MGARP: variants seen among roughly 807,000 people sequenced by gnomAD.
MGARP encodes the protein mitochondria localized glutamic acid rich protein, also known as protein MGARP.
In MGARP, 12 loss-of-function variants were observed where a neutral mutation model predicts 11.0. That is an observed-to-expected ratio of 1.09 (90% CI 0.70 to 1.77). The LOEUF (loss-of-function observed/expected upper bound fraction) is 1.77, where lower values mean the gene tolerates loss of function less well. Ranked by LOEUF, MGARP falls within the 40% of genes most tolerant of loss-of-function variation. The probability of loss-of-function intolerance (pLI) is 0.00; values close to 1 mark genes in which losing one functional copy is unlikely to be tolerated. For missense variants in MGARP, 283 were observed against 297.8 expected, an observed-to-expected ratio of 0.95 and a Z score of 0.36; for synonymous variants, 110 against 115.4, an observed-to-expected ratio of 0.95 and a Z score of 0.30.
chr4:139,267,407 A>G (rs1437597051), intron 3 of MGARP, among the ~76,000 whole-genome samples: 1 of 152,168 alleles, frequency 6.6e-6, no homozygotes, highest in African/African-American at 2.4e-5. Flanking sequence ...TATATTACTT[A>G]GGCAAATATG....
intron 3 of MGARP, 88 bp downstream of exon 3, chr4:139,268,584 A>C: frequency 1.1e-6 from 1 of 890,108 alleles, no homozygotes; most frequent in Non-Finnish European, 1.7e-6. Context: ...AGAAGCCAAA[A>C]GCAAATAGTG....
chr4:139,268,705 C>A lies in MGARP; in HGVS notation c.247G>T (p.Glu83Ter). ...GGATGTATCTCTGCTTTTGTTTTTTCTTTCAAATTTGTTTTATGTTCTGTG... is the reference window on the plus strand; with the variant it reads ...GGATGTATCTCTGCTTTTGTTTTTTATTTCAAATTTGTTTTATGTTCTGTG... ...KHTEHKTNLK[E>*]KTKAEIHPFQ... is the part of the protein sequence containing the mutation. Residue 83 changes from glutamate to a stop codon, truncating the protein, a stop_gained, in exon 3 of 4, where the codon GAA becomes TAA. Transcript: ENST00000398955. LOFTEE classifies it low-confidence loss of function (END_TRUNC). 6.2e-7 allele frequency: 1 copy of A among 1,609,584 alleles called. No individual in the cohort carries two copies.
In MGARP at chr4:139,280,175, C is replaced by A. The variant is rs1744938898; in HGVS notation, c.-17G>T. 6.2e-7 allele frequency: 1 copy of A among 1,602,410 alleles called. No individual in the cohort carries two copies. The highest frequency in any genetic ancestry group is 2.3e-5 in the East Asian group (1 of 44,400). On this transcript the variant is annotated 5_prime_UTR_variant, in exon 1 of 4. Coordinates refer to ENST00000398955, the MANE Select transcript of MGARP (RefSeq NM_032623.4). ...GAGATACATCGCGCCCGCTGTCCGC[C>A]GCGCAGCAGCCTCGGTACCCAGGCG...
At chr4:139,269,222 C>A (rs1203934901) in intron 2 of MGARP, among the ~76,000 whole-genome samples, 1 of 149,398 alleles carries the variant, frequency 6.7e-6, no homozygotes, top group African/African-American at 2.5e-5. Context: ...ACCAGAATAT[C>A]CTGACAGGCA....
At chr4:139,269,494 G>A (rs1231295023) in intron 2 of MGARP, among the ~76,000 whole-genome samples, 1 of 152,038 alleles carries the variant, frequency 6.6e-6, no homozygotes, top group Non-Finnish European at 1.5e-5. Flanking sequence ...CAGGCATGGT[G>A]GTGGTGCTCG....
intron 1 of MGARP, among the ~76,000 whole-genome samples, chr4:139,279,460 C>T (rs1044671540): frequency 2.6e-4 from 39 of 152,196 alleles, no homozygotes; most frequent in Non-Finnish European, 1.5e-4. Context: ...GTCCCGAAGG[C>T]CGCTTCCTTT....
rs1364870851 is a variant in MGARP at position 139,266,624 on chromosome 4, G to C, written c.698C>G (p.Ser233Cys). The C allele has an allele frequency of 6.2e-7, 1 of 1,613,670 alleles. No individual in the cohort carries two copies. The highest frequency in any genetic ancestry group is 8.5e-7 in the Non-Finnish European group (1 of 1,179,904). Residue 233 changes from serine (S) to cysteine (C), a missense_variant, in exon 4 of 4, where the codon TCT becomes TGT. Coordinates refer to ENST00000398955, the MANE Select transcript of MGARP (RefSeq NM_032623.4). ...TTAGCCTTGAGCCGAAGCAGCCTCA[G>C]AGCCAACACTGGCTTCCTCCTGTAA... The part of the protein sequence containing the change: ...DDLQEEASVG[S>C]EAASAQG
Position 139,275,482 on chromosome 4 carries a change from T to C in MGARP, c.83-90A>G, listed in dbSNP as rs532970131. 5.4e-5 allele frequency: 52 copies of C among 962,176 alleles called. 1 individual carries two copies. In the African/African-American group the frequency reaches 7.7e-4, roughly 14 times the overall value. 59.6% of individuals were successfully genotyped at this position (962,176 alleles called of 1,614,324 possible). ...CATCTTTCAAAATTTTTCTACTCAG[T>C]GAACCTAGAATCTATTAACATCAAG... On this transcript the variant is annotated intron_variant, in intron 1 of 3. Transcript: ENST00000398955.
chr4:139,280,149 G>A lies in MGARP; in HGVS notation c.10C>T (p.Arg4Cys), dbSNP rs549748443. 51 of 1,609,610 alleles carry A rather than the reference G, an allele frequency of 3.2e-5. No individual in the cohort carries two copies. The South Asian group carries it at 4.8e-4, about 15-fold the overall frequency. ...GCCAGAGTCTTGGAGACCGCCCTGC[G>A]GAGATACATCGCGCCCGCTGTCCGC... Reference protein sequence around the residue: MYLRRAVSKTLALP... With the variant: MYLCRAVSKTLALP... Residue 4 changes from arginine to cysteine, a missense_variant, in exon 1 of 4, where the codon CGC becomes TGC. Arg to Cys is a radical substitution (Grantham distance 180). Transcript: ENST00000398955.
At chr4:139,271,042 T>C (rs954081157) in intron 2 of MGARP, among the ~76,000 whole-genome samples, 1 of 152,210 alleles carries the variant, frequency 6.6e-6, no homozygotes, top group African/African-American at 2.4e-5. Context: ...CCCTAATGTG[T>C]GGCCCAAAGA....
chr4:139,269,630 C>CAAAAAAAA (rs56142345), intron 2 of MGARP, among the ~76,000 whole-genome samples: 6 of 81,670 alleles, frequency 7.3e-5, no homozygotes, highest in African/African-American at 8.0e-5. Flanking sequence ...GACTCCATCT[C>CAAAAAAAA]AAAAAAAAAA....
chr4:139,272,711 G>A (rs1483588227), intron 2 of MGARP, among the ~76,000 whole-genome samples: 1 of 116,794 alleles, frequency 8.6e-6, no homozygotes, highest in Non-Finnish European at 1.7e-5. Flanking sequence ...TTTTTGAGAC[G>A]GAGTCTCACT....
chr4:139,269,233 T>C (rs886259909), intron 2 of MGARP, among the ~76,000 whole-genome samples: 2 of 146,134 alleles, frequency 1.4e-5, no homozygotes, highest in African/African-American at 2.5e-5. Context: ...CTGACAGGCA[T>C]ATACAAATAT....
intron 3 of MGARP, among the ~76,000 whole-genome samples, chr4:139,267,370 T>G (rs529880292): frequency 5.9e-4 from 89 of 151,424 alleles, no homozygotes; most frequent in African/African-American, 2.1e-3. Context: ...TGTAAACTCT[T>G]TGAACTTAAA....
rs1405172004 is a variant in MGARP, at chr4:139,266,464, C to T, written c.*135G>A. 1 of 800,748 alleles carries T rather than the reference C, an allele frequency of 1.2e-6. No individual in the cohort carries two copies. The highest frequency in any genetic ancestry group is 1.9e-6 in the Non-Finnish European group (1 of 521,194). The allele number at this position is 800,748 out of a possible 1,614,324, so 49.6% of individuals were successfully genotyped here. A position where few individuals can be genotyped will look rare whatever the true frequency, so the allele number is the denominator to read the frequency against. On this transcript the variant is annotated 3_prime_UTR_variant, in exon 4 of 4. Transcript: ENST00000398955. ...CAGTCCTAAAATCTATCAGTGGATG[C>T]CAAAAATCTTCAAGACCCATTAACG...
At chr4:139,271,358 TCTA>T (rs898538472) in intron 2 of MGARP, among the ~76,000 whole-genome samples, 1 of 152,094 alleles carries the variant, frequency 6.6e-6, no homozygotes, top group African/African-American at 2.4e-5. Flanking sequence ...AAACCTCATC[TCTA>T]CTAAAAATAC....
chr4:139,279,220 A>G (rs1343244493), intron 1 of MGARP, among the ~76,000 whole-genome samples: 4 of 152,192 alleles, frequency 2.6e-5, no homozygotes. Flanking sequence ...AAGAAAAACA[A>G]TCTTCCTTGC....
At position 139,276,445 on chromosome 4, in the gene MGARP, G is replaced by A. The variant is rs28463153; in HGVS notation, c.83-1053C>T. Among the ~76,000 whole-genome samples the A allele has an allele frequency of 4.5e-3, 686 of 152,230 alleles. 8 individuals carry two copies. Among genetic ancestry groups the A allele is most frequent in the African/African-American group, 0.016 (662 of 41,530 alleles). On this transcript the variant is annotated intron_variant, in intron 1 of 3. Coordinates refer to ENST00000398955, the MANE Select transcript of MGARP (RefSeq NM_032623.4). ...TAATAGAAGAGACCTGAGTTTTGAA[G>A]GAAAATAAGGGAAAGAGGAATGGCA...
chr4:139,272,921 C>T (rs1390838367), intron 2 of MGARP, among the ~76,000 whole-genome samples: 3 of 151,942 alleles, frequency 2.0e-5, no homozygotes, highest in East Asian at 1.9e-4. Context: ...CTCCTGAACT[C>T]GTGATCCACC....
Sources: allele counts gnomAD v4.1 joint callset (sites outside exome capture counted in the v4.1 genomes callset), GRCh38; gene constraint gnomAD v4.1.1; transcripts MANE v1.5; gene names NCBI Gene and HGNC (gene_info 2026-07-23, HGNC 2026-07-21).